EDARADD: variants seen among roughly 807,000 people sequenced by gnomAD.
EDARADD encodes ectodysplasin-A receptor-associated adapter protein.
Under a neutral mutation model 25.6 loss-of-function variants are expected in EDARADD, and 20 were observed. The observed-to-expected ratio is 0.78, with a 90% CI of 0.55 to 1.14. The LOEUF (loss-of-function observed/expected upper bound fraction) is 1.14. Ranked by LOEUF, EDARADD falls within the 50% of genes most tolerant of loss-of-function variation. The pLI is 0.00. For missense variants in EDARADD, 225 were observed against 270.1 expected (o/e 0.83, Z 1.17); for synonymous variants, 86 against 94.4 (o/e 0.91, Z 0.52).
intron 3 of EDARADD, among the ~76,000 whole-genome samples, chr1:236,357,821 G>T (rs1165289185): frequency 1.3e-5 from 2 of 151,822 alleles, no homozygotes; most frequent in Non-Finnish European, 2.9e-5. Flanking sequence ...GATGTGGCGG[G>T]GATGTATATT....
At chr1:236,466,258 A>G (rs1571952959) in intron 4 of EDARADD, among the ~76,000 whole-genome samples, 1 of 152,166 alleles carries the variant, frequency 6.6e-6, no homozygotes, top group Admixed American at 6.5e-5. Flanking sequence ...GGGTCTCCAC[A>G]TGACCTGCGG....
At chr1:236,462,135 C>T (rs777990541) in intron 4 of EDARADD, among the ~76,000 whole-genome samples, 13 of 152,098 alleles carry the variant, frequency 8.5e-5, no homozygotes, top group South Asian at 2.1e-4. Context: ...CAGGGGACTT[C>T]GGGTGACTTT....
chr1:236,415,598 A>G (rs543298237), intron 3 of EDARADD, among the ~76,000 whole-genome samples: 2 of 152,120 alleles, frequency 1.3e-5, no homozygotes, highest in South Asian at 4.1e-4. Context: ...GGTGCCTGCC[A>G]CCACACCCGG....
At chr1:236,385,086 A>ATTTTTTTTTTTTTT (rs1293083838) in intron 3 of EDARADD, among the ~76,000 whole-genome samples, 6 of 76,528 alleles carry the variant, frequency 7.8e-5, no homozygotes, top group African/African-American at 2.9e-4. Context: ...ATGCCTTTTG[A>ATTTTTTTTTTTTTT]TTCTTTTTTT....
intron 1 of EDARADD, among the ~76,000 whole-genome samples, chr1:236,405,777 C>CCT (rs377401047): frequency 5.4e-4 from 37 of 68,126 alleles, no homozygotes; most frequent in Non-Finnish European, 7.4e-4. Flanking sequence ...TTCTTTCTTT[C>CCT]TTTCTTTCTT....
Position 236,483,144 on chromosome 1 carries a change from C to G in EDARADD, c.*495C>G. 6.8e-7 allele frequency: 1 copy of G among 1,471,776 alleles called. No individual in the cohort carries two copies. The highest frequency in any genetic ancestry group is 9.5e-7 in the Non-Finnish European group (1 of 1,055,442). The allele number at this position is 1,471,776 out of a possible 1,614,324, so 91.2% of individuals were successfully genotyped here. ...TCCACTTCTCTCCTAGGCAATGAGA[C>G]CCAGTGGCTAGAAATTCACCATGTC... On this transcript the variant is annotated 3_prime_UTR_variant, in exon 6 of 6. Coordinates refer to ENST00000334232, the MANE Select transcript of EDARADD (RefSeq NM_145861.4).
chr1:236,419,071 C>A (rs1023474092), intron 3 of EDARADD, among the ~76,000 whole-genome samples: 2 of 152,174 alleles, frequency 1.3e-5, no homozygotes. Flanking sequence ...ACGGAGAGGA[C>A]TATGACCATG....
intron 3 of EDARADD, among the ~76,000 whole-genome samples, chr1:236,419,824 G>A (rs973934778): frequency 3.9e-5 from 6 of 152,228 alleles, no homozygotes; most frequent in Admixed American, 3.3e-4. Context: ...TTGTGTGTGA[G>A]ACAATGAATA....
chr1:236,414,138 T>A, intron 2 of EDARADD, 122 bp from the exon 3 acceptor site: 2 of 825,658 alleles, frequency 2.4e-6, no homozygotes, highest in Non-Finnish European at 4.2e-6. Context: ...GTTGATAAGT[T>A]TGAGGTTAAA....
chr1:236,377,832 TCAC>T (rs1667244266), intron 3 of EDARADD, among the ~76,000 whole-genome samples: 1 of 151,502 alleles, frequency 6.6e-6, no homozygotes, highest in Non-Finnish European at 1.5e-5. Flanking sequence ...CACTCCAGCC[TCAC>T]GACAGAGTGA....
intron 4 of EDARADD, among the ~76,000 whole-genome samples, chr1:236,456,081 G>A (rs189371841): frequency 3.2e-4 from 48 of 152,012 alleles, no homozygotes; most frequent in African/African-American, 7.5e-4. Context: ...GAGCCACCGC[G>A]CCCAGGTGCC....
intron 3 of EDARADD, among the ~76,000 whole-genome samples, chr1:236,384,639 C>T (rs994709406): frequency 2.6e-5 from 4 of 152,142 alleles, no homozygotes; most frequent in Non-Finnish European, 5.9e-5. Context: ...ATCCTCCCAC[C>T]TCAGCCTCCT....
At position 236,385,461 on chromosome 1, in the gene EDARADD, C is replaced by T. The variant is rs757402696; in HGVS notation, c.-5-23755C>T. Among the ~76,000 whole-genome samples, 92 of 145,830 alleles carry T rather than the reference C, an allele frequency of 6.3e-4. 1 individual carries two copies. The highest frequency in any genetic ancestry group is 1.1e-3 in the Non-Finnish European group (72 of 67,186). On this transcript the variant is annotated intron_variant, in intron 3 of 7. Coordinates refer to the EDARADD transcript ENST00000439430. Reference sequence around the variant, plus strand: ...CTTCCAGGCTGGGCATAGTGGCTCACGCCTGTAATCCCAGCACTTTGGGAG... The same window carrying T: ...CTTCCAGGCTGGGCATAGTGGCTCATGCCTGTAATCCCAGCACTTTGGGAG...
intron 4 of EDARADD, among the ~76,000 whole-genome samples, chr1:236,433,882 CA>C (rs987104775): frequency 1.1e-4 from 7 of 62,750 alleles, no homozygotes; most frequent in Admixed American, 1.5e-4. Flanking sequence ...AAATCAAAAA[CA>C]AACAAACAAA....
upstream of EDARADD, among the ~76,000 whole-genome samples, chr1:236,392,491 A>ATT (rs10649367): frequency 0.72 from 100,987 of 139,544 alleles, 39,079 homozygotes; most frequent in South Asian, 0.91. Context: ...TGCTCAGCTA[A>ATT]TTTTTTTTTT....
intron 4 of EDARADD, among the ~76,000 whole-genome samples, chr1:236,453,799 G>A (rs150101942): frequency 1.5e-3 from 223 of 152,260 alleles, no homozygotes; most frequent in African/African-American, 4.9e-3. Flanking sequence ...ACCTAAGGAC[G>A]CATTTCTCAG....
intron 4 of EDARADD, among the ~76,000 whole-genome samples, chr1:236,462,723 A>G (rs1659070870): frequency 1.3e-5 from 2 of 152,242 alleles, no homozygotes; most frequent in African/African-American, 4.8e-5. Flanking sequence ...CATGCAACTT[A>G]GCCGACTTTC....
intron 4 of EDARADD, among the ~76,000 whole-genome samples, chr1:236,433,759 A>G (rs772794171): frequency 6.6e-6 from 1 of 151,852 alleles, no homozygotes; most frequent in Admixed American, 6.6e-5. Context: ...TATCCCAGCT[A>G]CTCTGGAGGC....
intron 4 of EDARADD, among the ~76,000 whole-genome samples, chr1:236,454,326 G>C (rs1658797006): frequency 6.6e-6 from 1 of 152,180 alleles, no homozygotes; most frequent in Non-Finnish European, 1.5e-5. Flanking sequence ...GGGATTACAG[G>C]CGTGAGCCAC....
Sources: allele counts gnomAD v4.1 joint callset (sites outside exome capture counted in the v4.1 genomes callset), GRCh38; gene constraint gnomAD v4.1.1; transcripts MANE v1.5; gene names NCBI Gene and HGNC (gene_info 2026-07-23, HGNC 2026-07-21).